The following PRKCZ variants were observed in gnomAD, a reference collection of about 807,000 sequenced individuals.
PRKCZ encodes the protein protein kinase C zeta type.
In PRKCZ, 33 loss-of-function variants were observed where a neutral mutation model predicts 79.5. The ratio of observed to expected loss-of-function variants is 0.41; its 90% CI spans 0.31 to 0.55. The LOEUF (loss-of-function observed/expected upper bound fraction) is 0.55. Among genes scored for constraint, PRKCZ ranks in the 20% least tolerant of loss-of-function variants. PRKCZ has a pLI of 0.19. For synonymous variants in PRKCZ, 342 were observed against 320.9 expected (o/e 1.07, Z -0.70); for missense variants, 578 against 813.5 (o/e 0.71, Z 3.52).
Position 2,075,891 on chromosome 1 carries a change from C to A in PRKCZ, c.334+16300C>A, listed in dbSNP as rs1200784160. Among the ~76,000 whole-genome samples, 17 of 152,232 alleles carry A rather than the reference C, an allele frequency of 1.1e-4. No homozygotes were observed. Among genetic ancestry groups the A allele is most frequent in the Non-Finnish European group, 4.4e-5 (3 of 68,044 alleles). On this transcript the variant is annotated intron_variant, in intron 4 of 17. Coordinates refer to ENST00000378567, the MANE Select transcript of PRKCZ (RefSeq NM_002744.6). This position sits in a 1 kb window ranked among gnomAD's most constrained non-coding sequence, Gnocchi z 4.8. ...GCTCTCGTGTGTGTAGCAGCGGGGG[C>A]TGCGTCTCATCTGCCACACGTTTCT...
At chr1:2,097,184 A>G (rs1666673108) in intron 4 of PRKCZ, among the ~76,000 whole-genome samples, 1 of 152,152 alleles carries the variant, frequency 6.6e-6, no homozygotes, top group African/African-American at 2.4e-5. Context: ...GTTCATTAGG[A>G]CCAGGGCTGA....
Position 2,172,432 on chromosome 1 carries a change from G to A in PRKCZ, c.1285+44G>A, listed in dbSNP as rs1430812721. The A allele has an allele frequency of 6.3e-7, 1 of 1,579,518 alleles. No individual in the cohort carries two copies. The highest frequency in any genetic ancestry group is 8.6e-7 in the Non-Finnish European group (1 of 1,160,494). On this transcript the variant is annotated intron_variant, in intron 13 of 17. Transcript: ENST00000378567. The surrounding 1 kb of genome is among the most constrained non-coding windows in gnomAD (Gnocchi z 7.8). ...GCCCCTCTCGGAGCACACAGGGCCA[G>A]AGATGGCTTCGGGCCTGGCCCAGCA...
intron 16 of PRKCZ, 24 bp downstream of exon 16, chr1:2,175,337 G>C: frequency 6.3e-7 from 1 of 1,592,204 alleles, no homozygotes; most frequent in East Asian, 2.2e-5. Context: ...AAGCCTATTT[G>C]CACCCCCATC....
intron 4 of PRKCZ, among the ~76,000 whole-genome samples, chr1:2,132,602 T>C (rs185099523): frequency 7.7e-4 from 118 of 152,356 alleles, no homozygotes; most frequent in Admixed American, 2.1e-3. Context: ...TGTGTCTCTC[T>C]CGGGCGAGAC....
chr1:2,162,101 G>A (rs962504057), intron 10 of PRKCZ, among the ~76,000 whole-genome samples: 3 of 151,992 alleles, frequency 2.0e-5, no homozygotes, highest in Non-Finnish European at 2.9e-5. Context: ...TAATCAACCC[G>A]TCTGCCTCCA....
chr1:2,132,247 G>A (rs1306943388), intron 4 of PRKCZ, among the ~76,000 whole-genome samples: 4 of 152,206 alleles, frequency 2.6e-5, no homozygotes, highest in Non-Finnish European at 5.9e-5. Flanking sequence ...GGTGGGCTTC[G>A]CACTGGCTCT....
chr1:2,065,627 G>A (rs545602149), intron 4 of PRKCZ, among the ~76,000 whole-genome samples: 22 of 150,800 alleles, frequency 1.5e-4, no homozygotes, highest in African/African-American at 3.9e-4. Context: ...TGCAGTGAGC[G>A]GAGATCGTGC....
Position 2,071,051 on chromosome 1 carries a change from C to CACCTGGGTGTGTG in PRKCZ, c.334+11467_334+11468insTGTGTGACCTGGG, listed in dbSNP as rs1553132343. ...AGTCGCCTGCTGGGAGCAGCCAGTA[C>CACCTGGGTGTGTG]ACCTGGGCGTGCGACCTGGGCAATG... On this transcript the variant is annotated intron_variant, in intron 4 of 17. Transcript: ENST00000378567. 2.6e-5 allele frequency among the ~76,000 whole-genome samples: 4 copies of CACCTGGGTGTGTG among 151,800 alleles called. No homozygotes were observed. In the South Asian group the frequency reaches 8.3e-4, roughly 32 times the overall value.
At position 2,168,749 on chromosome 1, in the gene PRKCZ, G is replaced by T; in HGVS notation, c.975-769G>T. ...GCTCCACGAGGGGCAGCCAGGAGCAGCCACCAGTCGGAAGCAAATAAACAA... is the reference window on the plus strand; with the variant it reads ...GCTCCACGAGGGGCAGCCAGGAGCATCCACCAGTCGGAAGCAAATAAACAA... On this transcript the variant is annotated intron_variant, in intron 10 of 17. Coordinates refer to ENST00000378567, the MANE Select transcript of PRKCZ (RefSeq NM_002744.6). This position sits in a 1 kb window ranked among gnomAD's most constrained non-coding sequence, Gnocchi z 4.7. The T allele has an allele frequency of 5.5e-6, 1 of 180,404 alleles. No individual in the cohort carries two copies. The highest frequency in any genetic ancestry group is 1.2e-5 in the Non-Finnish European group (1 of 84,108). 11.2% of individuals were successfully genotyped at this position (180,404 alleles called of 1,614,324 possible).
chr1:2,066,596 C>T (rs1661141145), intron 4 of PRKCZ, among the ~76,000 whole-genome samples: 1 of 152,242 alleles, frequency 6.6e-6, no homozygotes, highest in Non-Finnish European at 1.5e-5. Context: ...CCCACCTTGG[C>T]TTCCCAACGT....
intron 11 of PRKCZ, among the ~76,000 whole-genome samples, chr1:2,169,915 C>G (rs1277837270): frequency 6.6e-6 from 1 of 151,982 alleles, no homozygotes; most frequent in Non-Finnish European, 1.5e-5. Context: ...CACAGTGTGA[C>G]GTCCCCTGCA....
rs557113071 is a variant in PRKCZ, at chr1:2,094,343, G to A, written c.334+34752G>A. Among the ~76,000 whole-genome samples the A allele has an allele frequency of 1.1e-4, 17 of 152,306 alleles. No homozygotes were observed. In the East Asian group the frequency reaches 1.4e-3, roughly 12 times the overall value. On this transcript the variant is annotated intron_variant, in intron 4 of 17. Coordinates refer to ENST00000378567, the MANE Select transcript of PRKCZ (RefSeq NM_002744.6). This position sits in a 1 kb window ranked among gnomAD's most constrained non-coding sequence, Gnocchi z 7.3. The stretch of plus-strand genomic sequence containing the variant: ...CTGTGTGGTGCCCGTGGGCAGTGGC[G>A]GAGGCAGTGGCCCCGGCTCGTTGAA...
At chr1:2,162,542 A>G (rs748402013) in intron 10 of PRKCZ, among the ~76,000 whole-genome samples, 1 of 152,190 alleles carries the variant, frequency 6.6e-6, no homozygotes, top group Non-Finnish European at 1.5e-5. Flanking sequence ...TTACCTTTTC[A>G]TTCACTCACA....
intron 4 of PRKCZ, among the ~76,000 whole-genome samples, chr1:2,106,506 TAACTCTCA>T (rs1668480393): frequency 2.9e-5 from 2 of 68,698 alleles, no homozygotes; most frequent in African/African-American, 5.9e-5. Flanking sequence ...CCAGGCCAGG[TAACTCTCA>T]GCAAGCCCCT....
chr1:2,175,176 G>A lies in PRKCZ; in HGVS notation c.1486-48G>A, dbSNP rs943026046. 2.6e-6 allele frequency: 4 copies of A among 1,545,844 alleles called. No individual in the cohort carries two copies. The Admixed American group carries it at 6.7e-5, about 26-fold the overall frequency. On this transcript the variant is annotated intron_variant, in intron 15 of 17. Transcript: ENST00000378567. ...GCCACCAAGGAGAGGGGGTCATGGG[G>A]CTTCCGGGATGGGGCTGACTTGTCC...
At chr1:2,102,556 T>C (rs950394115) in intron 4 of PRKCZ, among the ~76,000 whole-genome samples, 2 of 152,146 alleles carry the variant, frequency 1.3e-5, no homozygotes, top group African/African-American at 2.4e-5. Context: ...ATGGTCTCGA[T>C]CTCCTGACCT....
chr1:2,144,605 C>T, intron 6 of PRKCZ: 1 of 1,310,300 alleles, frequency 7.6e-7, no homozygotes. Flanking sequence ...GTACGCTCTG[C>T]TCAGTGGGTC....
chr1:2,077,689 C>T (rs1458650836), intron 4 of PRKCZ, among the ~76,000 whole-genome samples: 1 of 152,242 alleles, frequency 6.6e-6, no homozygotes, highest in Non-Finnish European at 1.5e-5. Flanking sequence ...GCTGCCCCAG[C>T]TCCACTCCCT....
At chr1:2,113,009 G>A (rs1434329756) in intron 4 of PRKCZ, among the ~76,000 whole-genome samples, 1 of 152,140 alleles carries the variant, frequency 6.6e-6, no homozygotes, top group African/African-American at 2.4e-5. Flanking sequence ...CTTTACATTT[G>A]TGACTTACAG....
Sources: gnomAD v4.1 joint callset for allele counts (sites outside exome capture counted in the v4.1 genomes callset) on GRCh38, gnomAD v4.1.1 for gene constraint, Gnocchi (gnomAD v3.1) non-coding constraint, MANE v1.5 for transcripts, NCBI Gene and HGNC (gene_info 2026-07-23, HGNC 2026-07-21) for gene names.